The following SCML2 variants were observed in gnomAD, a reference collection of about 807,000 sequenced individuals.
SCML2 encodes the protein Scm polycomb group protein like 2.
In SCML2, 6 loss-of-function variants were observed where a neutral mutation model predicts 48.4. The ratio of observed to expected loss-of-function variants is 0.12; its 90% confidence interval spans 0.07 to 0.24. SCML2 has a LOEUF of 0.24. Ranked by LOEUF, SCML2 falls within the 10% of genes least tolerant of loss-of-function variation. SCML2 has a pLI of 1.00. For synonymous variants in SCML2, 181 were observed against 189.5 expected, an observed-to-expected ratio of 0.95 and a Z score of 0.37; for missense variants, 377 against 528.2, an observed-to-expected ratio of 0.71 and a Z score of 2.81.
At chrX:18,267,800 G>A (rs1445274272) in intron 7 of SCML2, among the ~76,000 whole-genome samples, 1 of 110,438 alleles carries the variant, frequency 9.1e-6, no homozygotes, top group African/African-American at 3.3e-5. Flanking sequence ...GTTTCACCAC[G>A]TTAGCCAGGA....
At chrX:18,285,040 CAAA>C (rs542089776) in intron 7 of SCML2, among the ~76,000 whole-genome samples, 1 of 53,933 alleles carries the variant, frequency 1.9e-5, no homozygotes. Flanking sequence ...AACTCCGCCT[CAAA>C]AAAAAAAAAA....
intron 1 of SCML2, among the ~76,000 whole-genome samples, chrX:18,337,344 T>C (rs1351692028): frequency 3.1e-5 from 2 of 64,439 alleles, no homozygotes; most frequent in Middle Eastern, 8.7e-3. Context: ...CAACCAATTG[T>C]ATGTTGGCTA....
At chrX:18,289,982 G>GA (rs1435025011) in intron 7 of SCML2, among the ~76,000 whole-genome samples, 97 of 102,910 alleles carry the variant, frequency 9.4e-4, no homozygotes, top group East Asian at 1.5e-3. Context: ...TTTCAAAATA[G>GA]AAAAAAAAAA....
At chrX:18,321,079 T>C (rs1929301850) in intron 5 of SCML2, among the ~76,000 whole-genome samples, 1 of 111,608 alleles carries the variant, frequency 9.0e-6, no homozygotes, top group South Asian at 3.7e-4. Flanking sequence ...AAAATGATAA[T>C]GGTAGAAACT....
chrX:18,338,161 G>C (rs905377426), intron 1 of SCML2, among the ~76,000 whole-genome samples: 13 of 111,529 alleles, frequency 1.2e-4, no homozygotes, highest in Non-Finnish European at 2.4e-4. Context: ...AAAGATGAAA[G>C]GGCCAGGCAC....
chrX:18,302,250 C>T (rs985197268), intron 7 of SCML2, among the ~76,000 whole-genome samples: 3 of 111,079 alleles, frequency 2.7e-5, no homozygotes, highest in Non-Finnish European at 3.8e-5. Context: ...AGACCGCTAA[C>T]GAGTTCTCCT....
intron 12 of SCML2, 135 bp downstream of exon 12, chrX:18,247,633 CA>C: frequency 2.4e-6 from 1 of 414,946 alleles, no homozygotes; most frequent in Middle Eastern, 5.2e-4. Context: ...CAAAGCTGTC[CA>C]AGTAGTAGCC....
intron 1 of SCML2, among the ~76,000 whole-genome samples, chrX:18,340,873 CTATT>C (rs201267604): frequency 0.026 from 2,886 of 109,054 alleles, 46 homozygotes; most frequent in Non-Finnish European, 0.043. Context: ...AGATGAAAAT[CTATT>C]TACTAGACTC....
At chrX:18,262,064 CA>C (rs1263139558) in intron 8 of SCML2, among the ~76,000 whole-genome samples, 2 of 107,882 alleles carry the variant, frequency 1.9e-5, no homozygotes, top group Non-Finnish European at 3.8e-5. Flanking sequence ...ATACAGCAAA[CA>C]TAAGTTGAAA....
chrX:18,270,882 T>A (rs181719368), intron 7 of SCML2, among the ~76,000 whole-genome samples: 1 of 111,950 alleles, frequency 8.9e-6, no homozygotes, highest in East Asian at 2.8e-4. Flanking sequence ...GAAAAAGTTA[T>A]GTGAAATATA....
At chrX:18,274,267 C>T (rs1324150356) in intron 7 of SCML2, among the ~76,000 whole-genome samples, 1 of 111,785 alleles carries the variant, frequency 8.9e-6, no homozygotes, top group African/African-American at 3.3e-5. Context: ...AAGCACTCGC[C>T]CCAGCTCCTG....
intron 1 of SCML2, among the ~76,000 whole-genome samples, chrX:18,347,445 CA>C (rs374198442): frequency 0.024 from 2,119 of 89,818 alleles, 55 homozygotes; most frequent in African/African-American, 0.077. Flanking sequence ...AATTCCATTT[CA>C]AAAAAAAAAA....
intron 1 of SCML2, among the ~76,000 whole-genome samples, chrX:18,345,465 G>A (rs1457408721): frequency 9.2e-6 from 1 of 108,790 alleles, no homozygotes; most frequent in East Asian, 2.9e-4. Context: ...ATCATAGCTC[G>A]CTACAACCTC....
chrX:18,340,596 G>C (rs1467422773), intron 1 of SCML2, among the ~76,000 whole-genome samples: 1 of 110,635 alleles, frequency 9.0e-6, no homozygotes, highest in Non-Finnish European at 1.9e-5. Context: ...GATCACTTGG[G>C]GTCAGGAGTT....
At chrX:18,345,978 T>C (rs1158383413) in intron 1 of SCML2, among the ~76,000 whole-genome samples, 8 of 109,255 alleles carry the variant, frequency 7.3e-5, no homozygotes, top group African/African-American at 2.7e-4. Context: ...TTGCCCATAC[T>C]GGTCTCAAAC....
chrX:18,282,457 G>A (rs944421167), intron 7 of SCML2, among the ~76,000 whole-genome samples: 1 of 110,878 alleles, frequency 9.0e-6, no homozygotes, highest in Admixed American at 9.7e-5. Flanking sequence ...GGGCAACATA[G>A]TAAAACCCCG....
intron 11 of SCML2, among the ~76,000 whole-genome samples, chrX:18,256,416 C>T (rs1386715947): frequency 9.0e-6 from 1 of 111,607 alleles, no homozygotes; most frequent in Admixed American, 9.5e-5. Flanking sequence ...TGTGCCACTA[C>T]ACTTCAGCCT....
intron 1 of SCML2, among the ~76,000 whole-genome samples, chrX:18,350,448 C>G (rs755407096): frequency 2.1e-3 from 232 of 110,217 alleles, no homozygotes; most frequent in Non-Finnish European, 3.2e-3. Context: ...CGGTGGCGCA[C>G]GCCTGTAGTC....
At chrX:18,348,001 G>T (rs1314764702) in intron 1 of SCML2, among the ~76,000 whole-genome samples, 1 of 111,770 alleles carries the variant, frequency 8.9e-6, no homozygotes, top group African/African-American at 3.2e-5. Flanking sequence ...CAAAAAACCT[G>T]TAAGTTAATC....
Sources: allele counts gnomAD v4.1 joint callset (sites outside exome capture counted in the v4.1 genomes callset), GRCh38; gene constraint gnomAD v4.1.1; transcripts MANE v1.5; gene names NCBI Gene and HGNC (gene_info 2026-07-23, HGNC 2026-07-21).